QTMAN: variants seen among roughly 807,000 people sequenced by gnomAD.
QTMAN encodes tRNA-queuosine alpha-mannosyltransferase.
chr2:144,275,018 G>T, the QTMAN span, among the ~76,000 whole-genome samples: 2 of 151,904 alleles, frequency 1.3e-5, no homozygotes, highest in Non-Finnish European at 2.9e-5. Context: ...TGGAAAATCT[G>T]GTGTTAACAG....
chr2:144,144,696 A>C, the QTMAN span, among the ~76,000 whole-genome samples: 9 of 151,958 alleles, frequency 5.9e-5, no homozygotes, highest in African/African-American at 1.9e-4. Flanking sequence ...GAAAACATTC[A>C]CAAAATGCAC....
At chr2:143,997,623 C>T in the QTMAN span, among the ~76,000 whole-genome samples, 1 of 152,022 alleles carries the variant, frequency 6.6e-6, no homozygotes, top group African/African-American at 2.4e-5. Flanking sequence ...AATTTTAATA[C>T]CCTTTTTACT....
At chr2:144,252,859 A>G in the QTMAN span, among the ~76,000 whole-genome samples, 3 of 152,212 alleles carry the variant, frequency 2.0e-5, no homozygotes, top group African/African-American at 7.2e-5. Context: ...TGTCCTCCAA[A>G]AAGTGAATGG....
At chr2:144,046,993 G>A in the QTMAN span, among the ~76,000 whole-genome samples, 9 of 152,136 alleles carry the variant, frequency 5.9e-5, no homozygotes, top group South Asian at 4.1e-4. Context: ...ATTTTGGACC[G>A]GGCGTGGTGG....
At chr2:144,232,240 G>A in the QTMAN span, among the ~76,000 whole-genome samples, 1 of 152,294 alleles carries the variant, frequency 6.6e-6, no homozygotes, top group Non-Finnish European at 1.5e-5. Flanking sequence ...ATATGTTGCT[G>A]AGCCTGTTCT....
the QTMAN span, among the ~76,000 whole-genome samples, chr2:144,016,363 A>C: frequency 3.3e-5 from 5 of 152,194 alleles, no homozygotes; most frequent in African/African-American, 1.2e-4. Context: ...CTCAGAAGCC[A>C]AGTTTCAAAA....
chr2:144,220,264 A>AT, the QTMAN span, among the ~76,000 whole-genome samples: 17 of 151,834 alleles, frequency 1.1e-4, no homozygotes, highest in South Asian at 4.2e-4. Flanking sequence ...ATAGATTGGG[A>AT]TTTTTTTTTA....
At chr2:144,056,731 A>G in the QTMAN span, among the ~76,000 whole-genome samples, 4 of 152,216 alleles carry the variant, frequency 2.6e-5, no homozygotes, top group Non-Finnish European at 5.9e-5. Flanking sequence ...AAGAATAAGG[A>G]GAGTGAAGTC....
chr2:144,251,393 C>T, the QTMAN span, among the ~76,000 whole-genome samples: 25 of 152,172 alleles, frequency 1.6e-4, no homozygotes, highest in African/African-American at 6.0e-4. Flanking sequence ...TCAACTGATA[C>T]TTGACAAAGG....
chr2:144,133,115 T>C, the QTMAN span, among the ~76,000 whole-genome samples: 6 of 8,958 alleles, frequency 6.7e-4, no homozygotes, highest in Non-Finnish European at 9.7e-4. Context: ...GAATGACTGG[T>C]AATATATATA....
chr2:144,210,458 C>A, the QTMAN span, among the ~76,000 whole-genome samples: 1 of 152,136 alleles, frequency 6.6e-6, no homozygotes, highest in Non-Finnish European at 1.5e-5. Context: ...CCCCTACCCA[C>A]CAGGAATAGA....
At chr2:144,267,231 A>C in the QTMAN span, among the ~76,000 whole-genome samples, 1 of 152,222 alleles carries the variant, frequency 6.6e-6, no homozygotes, top group Non-Finnish European at 1.5e-5. Context: ...CAAATGCTAA[A>C]CAAGAAGAAC....
the QTMAN span, among the ~76,000 whole-genome samples, chr2:144,216,493 A>G: frequency 6.6e-6 from 1 of 152,202 alleles, no homozygotes; most frequent in South Asian, 2.1e-4. Context: ...ACAGGTTCTC[A>G]GCAACAAGTG....
At chr2:144,299,382 T>G in the QTMAN span, among the ~76,000 whole-genome samples, 1 of 152,236 alleles carries the variant, frequency 6.6e-6, no homozygotes, top group Admixed American at 6.5e-5. Context: ...GCACTTCCTT[T>G]GGATATAGAA....
the QTMAN span, among the ~76,000 whole-genome samples, chr2:144,104,388 A>C: frequency 6.6e-6 from 1 of 152,178 alleles, no homozygotes; most frequent in African/African-American, 2.4e-5. Context: ...TGGCACCTGG[A>C]AAATCGGGTC....
the QTMAN span, among the ~76,000 whole-genome samples, chr2:144,284,124 T>C: frequency 1.3e-5 from 2 of 152,054 alleles, no homozygotes; most frequent in African/African-American, 4.8e-5. Context: ...CAAATAATCA[T>C]ACTGCTGTTC....
the QTMAN span, among the ~76,000 whole-genome samples, chr2:144,007,869 C>T: frequency 2.6e-5 from 4 of 152,134 alleles, no homozygotes; most frequent in East Asian, 1.9e-4. Context: ...TTCCAATCAC[C>T]ACATGGCCCA....
At chr2:144,271,681 G>A in the QTMAN span, among the ~76,000 whole-genome samples, 1 of 152,034 alleles carries the variant, frequency 6.6e-6, no homozygotes. Context: ...TTTTCTACAG[G>A]GCTCTTTCCA....
the QTMAN span, among the ~76,000 whole-genome samples, chr2:144,029,180 G>T: frequency 6.6e-6 from 1 of 152,146 alleles, no homozygotes; most frequent in Non-Finnish European, 1.5e-5. Flanking sequence ...ATTAGAGGGA[G>T]ACTATGTCTC....
Sources: allele counts gnomAD v4.1 joint callset (sites outside exome capture counted in the v4.1 genomes callset), GRCh38; gene constraint gnomAD v4.1.1; transcripts MANE v1.5; gene names NCBI Gene and HGNC (gene_info 2026-07-23, HGNC 2026-07-21).